The following APLF variants were observed in gnomAD, a reference collection of about 807,000 sequenced individuals.
The protein encoded by APLF is aprataxin and PNKP like factor.
In APLF, 61 loss-of-function variants were observed where a neutral mutation model predicts 55.6. That is an observed-to-expected ratio of 1.10 (90% CI 0.89 to 1.36). The LOEUF (loss-of-function observed/expected upper bound fraction) is 1.36, where lower values mean the gene tolerates loss of function less well. APLF is among the 40% of genes most tolerant of loss of function. The pLI, the probability that APLF is intolerant of heterozygous loss-of-function variation, is 0.00. For missense variants in APLF, 611 were observed against 602.5 expected, an observed-to-expected ratio of 1.01 and a Z score of -0.15; for synonymous variants, 207 against 214.8, an observed-to-expected ratio of 0.96 and a Z score of 0.32.
In APLF at chr2:68,579,420, G is replaced by A. The variant is rs1355252420; in HGVS notation, c.*1398G>A. The stretch of plus-strand genomic sequence containing the variant: ...CCCTGCCACTAACTTAATCCTTGAA[G>A]TGTTACATAATCTACTCCTAGGTAT... On this transcript the variant is annotated 3_prime_UTR_variant, in exon 10 of 10. Coordinates refer to ENST00000303795, the MANE Select transcript of APLF (RefSeq NM_173545.3). 4 of 968,548 alleles carry A rather than the reference G, an allele frequency of 4.1e-6. No individual in the cohort carries two copies. The highest frequency in any genetic ancestry group is 4.9e-6 in the Non-Finnish European group (4 of 814,888). The allele number at this position is 968,548 out of a possible 1,614,324, so 60.0% of individuals were successfully genotyped here.
chr2:68,520,251 C>G (rs916275150), intron 5 of APLF, among the ~76,000 whole-genome samples: 2 of 151,990 alleles, frequency 1.3e-5, no homozygotes, highest in Non-Finnish European at 2.9e-5. Context: ...AAGATTTTCT[C>G]CCACTCTGTG....
intron 1 of APLF, among the ~76,000 whole-genome samples, chr2:68,485,152 A>G (rs1360142014): frequency 6.6e-6 from 1 of 152,072 alleles, no homozygotes; most frequent in Non-Finnish European, 1.5e-5. Context: ...TTAATATCCC[A>G]TACTCGGTTT....
intron 9 of APLF, 49 bp from the exon 10 acceptor site, chr2:68,577,771 C>T: frequency 6.3e-7 from 1 of 1,591,278 alleles, no homozygotes. Flanking sequence ...TCTGTCATCC[C>T]AGGTTGAGTG....
intron 8 of APLF, among the ~76,000 whole-genome samples, chr2:68,556,914 C>T (rs1671033273): frequency 6.6e-6 from 1 of 152,178 alleles, no homozygotes; most frequent in South Asian, 2.1e-4. Context: ...TGTTTTACCA[C>T]AAGCACAATT....
chr2:68,561,800 T>A (rs906489311), intron 8 of APLF, among the ~76,000 whole-genome samples: 9 of 152,066 alleles, frequency 5.9e-5, no homozygotes. Flanking sequence ...AGAAAAACTG[T>A]TTTTCAAAGG....
intron 2 of APLF, among the ~76,000 whole-genome samples, chr2:68,490,696 G>GT (rs1676330639): frequency 6.6e-6 from 1 of 152,144 alleles, no homozygotes; most frequent in Non-Finnish European, 1.5e-5. Context: ...CAACTTCGAG[G>GT]TTTGAAAAAT....
intron 8 of APLF, among the ~76,000 whole-genome samples, chr2:68,552,077 C>T (rs117060501): frequency 2.0e-5 from 3 of 152,188 alleles, no homozygotes; most frequent in East Asian, 1.9e-4. Flanking sequence ...TTTCCTTTGG[C>T]GATTTTGAGC....
intron 6 of APLF, among the ~76,000 whole-genome samples, chr2:68,537,671 A>C (rs1670432661): frequency 6.6e-6 from 1 of 152,142 alleles, no homozygotes; most frequent in African/African-American, 2.4e-5. Context: ...TGCCTGGCCA[A>C]ATTTCTTTTC....
At chr2:68,471,200 A>T (rs1675606952) in intron 1 of APLF, among the ~76,000 whole-genome samples, 1 of 152,192 alleles carries the variant, frequency 6.6e-6, no homozygotes, top group African/African-American at 2.4e-5. Context: ...TGTGACTTAG[A>T]TATGAAAAAG....
intron 3 of APLF, among the ~76,000 whole-genome samples, chr2:68,503,814 T>G (rs1224578838): frequency 6.6e-6 from 1 of 151,786 alleles, no homozygotes; most frequent in African/African-American, 2.4e-5. Flanking sequence ...AAAAGCAAAT[T>G]AATCCCAAAG....
chr2:68,526,029 A>G, intron 5 of APLF, 32 bp from the exon 6 acceptor site: 1 of 1,560,732 alleles, frequency 6.4e-7, no homozygotes, highest in African/African-American at 1.4e-5. Context: ...GATACAGAAG[A>G]TAATTTTCTT....
chr2:68,541,316 T>C, intron 7 of APLF, among the ~76,000 whole-genome samples: 1 of 152,248 alleles, frequency 6.6e-6, no homozygotes, highest in Middle Eastern at 3.4e-3. Flanking sequence ...AATTACCCTT[T>C]ATGTTATATT....
intron 8 of APLF, among the ~76,000 whole-genome samples, chr2:68,557,365 G>T (rs1216866741): frequency 6.6e-6 from 1 of 152,196 alleles, no homozygotes; most frequent in Non-Finnish European, 1.5e-5. Flanking sequence ...TTTTCAGTCT[G>T]CAGTTGGTTG....
At chr2:68,518,608 CATTA>C (rs1339492305) in intron 5 of APLF, among the ~76,000 whole-genome samples, 1 of 77,246 alleles carries the variant, frequency 1.3e-5, no homozygotes, top group Non-Finnish European at 2.1e-5. Context: ...TATAATATAT[CATTA>C]ATATATCATG....
At chr2:68,546,906 A>G (rs1398223126) in intron 8 of APLF, among the ~76,000 whole-genome samples, 1 of 151,844 alleles carries the variant, frequency 6.6e-6, no homozygotes, top group Non-Finnish European at 1.5e-5. Context: ...ACAGTATACT[A>G]AGACAAGAAA....
At chr2:68,548,238 T>C (rs1055947924) in intron 8 of APLF, among the ~76,000 whole-genome samples, 5 of 151,880 alleles carry the variant, frequency 3.3e-5, no homozygotes, top group African/African-American at 1.2e-4. Context: ...ATGAAAAACA[T>C]TTAATTATTT....
At chr2:68,515,850 C>A in intron 5 of APLF, 1 of 594,516 alleles carries the variant, frequency 1.7e-6, no homozygotes, top group Non-Finnish European at 2.1e-6. Flanking sequence ...TACCTGAATC[C>A]TGCTAATTAA....
At position 68,502,898 on chromosome 2, in the gene APLF, C is replaced by A; in HGVS notation, c.336C>A (p.Thr112=). The A allele has an allele frequency of 6.3e-7, 1 of 1,599,948 alleles. No homozygotes were observed. Among genetic ancestry groups the A allele is most frequent in the South Asian group, 1.1e-5 (1 of 88,056 alleles). The change falls in exon 3 of 10, where the codon ACC becomes ACA. Residue 112 remains threonine, a synonymous_variant. Transcript: ENST00000303795. ...CCTCTGAAGTGGAAATGCAATGTAC[C>A]TTAAGGTAAGTGCCTGATGAAATGA... ...SIPSEVEMQC[T]LRNSQVLDED... is the part of the protein sequence containing the mutation.
chr2:68,490,750 G>A (rs1676332784), intron 2 of APLF, among the ~76,000 whole-genome samples: 1 of 152,146 alleles, frequency 6.6e-6, no homozygotes, highest in African/African-American at 2.4e-5. Context: ...AATTTTAATT[G>A]CTTGCTTTAT....
Sources: allele counts gnomAD v4.1 joint callset (sites outside exome capture counted in the v4.1 genomes callset), GRCh38; gene constraint gnomAD v4.1.1; transcripts MANE v1.5; gene names NCBI Gene and HGNC (gene_info 2026-07-23, HGNC 2026-07-21).